Variants in PTPRG observed in about 807,000 individuals in gnomAD.
PTPRG encodes protein tyrosine phosphatase receptor type G, also known as receptor-type tyrosine-protein phosphatase gamma.
A neutral mutation model predicts 165.3 loss-of-function variants in PTPRG; 102 were observed. The ratio of observed to expected loss-of-function variants is 0.62; its 90% CI spans 0.53 to 0.73. PTPRG has a LOEUF of 0.73. PTPRG is among the 30% of genes least tolerant of loss of function. The probability of loss-of-function intolerance (pLI) is 0.00; values close to 1 mark genes in which losing one functional copy is unlikely to be tolerated. For missense variants in PTPRG, 1,866 were observed against 1,861.4 expected (o/e 1.00, Z -0.05); for synonymous variants, 675 against 669.5 (o/e 1.01, Z -0.13).
intron 7 of PTPRG, among the ~76,000 whole-genome samples, chr3:62,163,668 T>C (rs926229382): frequency 4.6e-5 from 7 of 152,214 alleles, no homozygotes; most frequent in African/African-American, 1.7e-4. Context: ...GTTACCACAT[T>C]CCTCATGAAA....
intron 8 of PTPRG, among the ~76,000 whole-genome samples, chr3:62,174,967 T>G (rs1415146776): frequency 2.0e-5 from 3 of 152,138 alleles, no homozygotes; most frequent in Non-Finnish European, 4.4e-5. Context: ...TTTGTCATTC[T>G]TTTTTTAACC....
At chr3:61,854,570 A>C (rs1243895208) in intron 2 of PTPRG, among the ~76,000 whole-genome samples, 1 of 152,198 alleles carries the variant, frequency 6.6e-6, no homozygotes, top group Non-Finnish European at 1.5e-5. Flanking sequence ...TAAAACGTGC[A>C]CTATTAGGGA....
At chr3:61,836,269 T>G (rs1399042685) in intron 2 of PTPRG, among the ~76,000 whole-genome samples, 4 of 152,164 alleles carry the variant, frequency 2.6e-5, no homozygotes, top group Non-Finnish European at 5.9e-5. Context: ...CCTTTTCTGT[T>G]CATCCACTAC....
chr3:62,184,519 G>A (rs1368226720), intron 8 of PTPRG, among the ~76,000 whole-genome samples: 1 of 152,206 alleles, frequency 6.6e-6, no homozygotes, highest in African/African-American at 2.4e-5. Context: ...ATTTGAAGGT[G>A]ATAAAGAAAT....
chr3:62,280,544 T>C (rs542602111), intron 26 of PTPRG, among the ~76,000 whole-genome samples: 1 of 152,066 alleles, frequency 6.6e-6, no homozygotes, highest in Non-Finnish European at 1.5e-5. Flanking sequence ...GGATAGCTAT[T>C]AAAAACAATC....
At chr3:62,198,138 C>T (rs1315320387) in intron 10 of PTPRG, among the ~76,000 whole-genome samples, 1 of 152,018 alleles carries the variant, frequency 6.6e-6, no homozygotes, top group Non-Finnish European at 1.5e-5. Flanking sequence ...AATATGTTTA[C>T]CTTACTGTGG....
intron 2 of PTPRG, among the ~76,000 whole-genome samples, chr3:61,850,167 TA>T (rs1281044594): frequency 6.6e-6 from 1 of 152,154 alleles, no homozygotes; most frequent in African/African-American, 2.4e-5. Flanking sequence ...TATTTATTTT[TA>T]TTTTTTATTT....
chr3:62,033,646 T>C (rs1214491376), intron 4 of PTPRG, among the ~76,000 whole-genome samples: 1 of 151,040 alleles, frequency 6.6e-6, no homozygotes, highest in Non-Finnish European at 1.5e-5. Flanking sequence ...ATGACAGGCA[T>C]GAGCCACCAC....
At chr3:61,873,836 T>G (rs564071004) in intron 2 of PTPRG, among the ~76,000 whole-genome samples, 5,871 of 152,282 alleles carry the variant, frequency 0.039, 144 homozygotes, top group Non-Finnish European at 0.055. Flanking sequence ...TCTGGGTTTA[T>G]GTCCCAGCTC....
At chr3:62,261,301 G>T (rs1281389060) in intron 16 of PTPRG, among the ~76,000 whole-genome samples, 1 of 152,194 alleles carries the variant, frequency 6.6e-6, no homozygotes, top group East Asian at 1.9e-4. Context: ...CTCTTCAAAA[G>T]AGCATGGCTC....
At chr3:61,957,448 C>T (rs772633896) in intron 2 of PTPRG, among the ~76,000 whole-genome samples, 5 of 152,220 alleles carry the variant, frequency 3.3e-5, no homozygotes, top group South Asian at 2.1e-4. Flanking sequence ...GTGAATGATG[C>T]ACTGTGCTGT....
intron 4 of PTPRG, among the ~76,000 whole-genome samples, chr3:62,072,376 T>C (rs939553136): frequency 1.3e-5 from 2 of 152,232 alleles, no homozygotes; most frequent in African/African-American, 4.8e-5. Flanking sequence ...TTATGCTATA[T>C]GATACTCTAT....
chr3:61,601,228 C>T (rs1354426317), intron 1 of PTPRG, among the ~76,000 whole-genome samples: 1 of 152,184 alleles, frequency 6.6e-6, no homozygotes, highest in Non-Finnish European at 1.5e-5. Context: ...GGCACTCCAG[C>T]CTGGGTGACA....
At chr3:62,041,038 C>A (rs574621905) in intron 4 of PTPRG, among the ~76,000 whole-genome samples, 1 of 152,338 alleles carries the variant, frequency 6.6e-6, no homozygotes, top group African/African-American at 2.4e-5. Context: ...TGAGTCAAGA[C>A]TTCACCATTC....
At chr3:62,267,037 G>A (rs1028979241) in intron 17 of PTPRG, among the ~76,000 whole-genome samples, 1 of 151,816 alleles carries the variant, frequency 6.6e-6, no homozygotes, top group Non-Finnish European at 1.5e-5. Flanking sequence ...AGATGTTTTG[G>A]ACTTGACAGA....
intron 1 of PTPRG, among the ~76,000 whole-genome samples, chr3:61,663,076 G>A (rs1043546446): frequency 6.6e-6 from 1 of 152,116 alleles, no homozygotes; most frequent in African/African-American, 2.4e-5. Context: ...TTGAGCACAG[G>A]AATTTGAGAC....
At chr3:61,864,830 G>T (rs1436895480) in intron 2 of PTPRG, among the ~76,000 whole-genome samples, 1 of 152,150 alleles carries the variant, frequency 6.6e-6, no homozygotes, top group East Asian at 1.9e-4. Flanking sequence ...GTAATGTGTG[G>T]TATCTGTTCT....
chr3:61,995,206 A>C (rs1162172690), intron 3 of PTPRG, among the ~76,000 whole-genome samples: 2 of 148,196 alleles, frequency 1.3e-5, no homozygotes, highest in Non-Finnish European at 3.0e-5. Flanking sequence ...CTTATGTCCC[A>C]GCCTCCCAAG....
At chr3:62,010,650 T>TAATAA (rs1195767237) in intron 4 of PTPRG, among the ~76,000 whole-genome samples, 6 of 152,046 alleles carry the variant, frequency 3.9e-5, no homozygotes, top group South Asian at 2.1e-4. Context: ...AGTCTATCTC[T>TAATAA]AATAAAATAA....
Sources: gnomAD v4.1 joint callset for allele counts (sites outside exome capture counted in the v4.1 genomes callset) on GRCh38, gnomAD v4.1.1 for gene constraint, MANE v1.5 for transcripts, NCBI Gene and HGNC (gene_info 2026-07-23, HGNC 2026-07-21) for gene names.